Variants in ANKMY2 observed in about 807,000 individuals in gnomAD.
ANKMY2 encodes ankyrin repeat and MYND domain-containing protein 2.
Under a neutral mutation model 50.4 loss-of-function variants are expected in ANKMY2, and 36 were observed. The ratio of observed to expected loss-of-function variants is 0.71; its 90% CI spans 0.55 to 0.94. The LOEUF is 0.94. Ranked by LOEUF, ANKMY2 falls within the 40% of genes least tolerant of loss-of-function variation. ANKMY2 has a pLI of 0.00. For missense variants in ANKMY2, 565 were observed against 524.0 expected, an observed-to-expected ratio of 1.08 and a Z score of -0.76; for synonymous variants, 187 against 178.8, an observed-to-expected ratio of 1.05 and a Z score of -0.36.
chr7:16,623,977 T>A (rs1027496648), intron 4 of ANKMY2, among the ~76,000 whole-genome samples: 1 of 152,158 alleles, frequency 6.6e-6, no homozygotes, highest in African/African-American at 2.4e-5. Flanking sequence ...ATTTACACTG[T>A]ATCTGAACCT....
chr7:16,613,180 C>A (rs1233593120), intron 5 of ANKMY2, among the ~76,000 whole-genome samples: 6 of 152,130 alleles, frequency 3.9e-5, no homozygotes, highest in Admixed American at 3.3e-4. Flanking sequence ...CCTCCAAATC[C>A]CTTTTGAAAA....
intron 5 of ANKMY2, 78 bp downstream of exon 5, chr7:16,615,666 T>C: frequency 1.3e-6 from 2 of 1,571,566 alleles, no homozygotes; most frequent in South Asian, 1.1e-5. Context: ...AAGACAATTA[T>C]GATCCTGTAT....
At chr7:16,611,666 G>C (rs1781255555) in intron 5 of ANKMY2, among the ~76,000 whole-genome samples, 1 of 152,182 alleles carries the variant, frequency 6.6e-6, no homozygotes, top group Admixed American at 6.5e-5. Flanking sequence ...TGAAAGCCAA[G>C]CTACAAATTA....
At chr7:16,607,483 G>A (rs1305678140) in intron 7 of ANKMY2, among the ~76,000 whole-genome samples, 2 of 151,952 alleles carry the variant, frequency 1.3e-5, no homozygotes, top group Non-Finnish European at 2.9e-5. Flanking sequence ...CATGAGAATC[G>A]CTTGAACCCG....
chr7:16,624,948 G>A, intron 4 of ANKMY2, 35 bp downstream of exon 4: 2 of 1,573,896 alleles, frequency 1.3e-6, no homozygotes, highest in African/African-American at 1.4e-5. Flanking sequence ...GAAATTTTGG[G>A]TATAATCTAA....
At chr7:16,633,303 T>A (rs1475741532) in intron 2 of ANKMY2, among the ~76,000 whole-genome samples, 1 of 152,074 alleles carries the variant, frequency 6.6e-6, no homozygotes, top group African/African-American at 2.4e-5. Context: ...TATCTGCTTT[T>A]AAAATTTTTT....
At chr7:16,608,406 T>C (rs1263429090) in intron 7 of ANKMY2, among the ~76,000 whole-genome samples, 2 of 152,182 alleles carry the variant, frequency 1.3e-5, no homozygotes, top group African/African-American at 4.8e-5. Context: ...CTTTATGAGA[T>C]GGTCTTTTCT....
At chr7:16,609,506 C>T (rs1781211029) in intron 7 of ANKMY2, 124 bp downstream of exon 7, 1 of 1,142,770 alleles carries the variant, frequency 8.8e-7, no homozygotes, top group South Asian at 2.2e-5. Context: ...CCTATCTCCA[C>T]CTTTGTTCCT....
chr7:16,644,056 G>C (rs1428705988), intron 1 of ANKMY2, among the ~76,000 whole-genome samples: 1 of 152,118 alleles, frequency 6.6e-6, no homozygotes, highest in African/African-American at 2.4e-5. Context: ...ACATGTACTA[G>C]CTCTGTCCTG....
chr7:16,603,026 G>C (rs1314628776), intron 8 of ANKMY2, among the ~76,000 whole-genome samples: 1 of 152,200 alleles, frequency 6.6e-6, no homozygotes, highest in Non-Finnish European at 1.5e-5. Flanking sequence ...CCAGTCTCAA[G>C]TATTTCTTTA....
At chr7:16,636,235 G>A (rs984701924) in intron 2 of ANKMY2, among the ~76,000 whole-genome samples, 156 bp downstream of exon 2, 11 of 148,424 alleles carry the variant, frequency 7.4e-5, no homozygotes, top group Admixed American at 6.8e-4. Context: ...ACAAGAAGGC[G>A]GAGGTTGCAG....
chr7:16,622,782 AAAT>A (rs1781457967), intron 4 of ANKMY2, among the ~76,000 whole-genome samples: 4 of 119,274 alleles, frequency 3.4e-5, no homozygotes, highest in African/African-American at 9.0e-5. Context: ...ATAAATAAAT[AAAT>A]AAAAATAAAA....
intron 2 of ANKMY2, among the ~76,000 whole-genome samples, chr7:16,632,534 A>G (rs553782171): frequency 6.6e-6 from 1 of 152,296 alleles, no homozygotes; most frequent in African/African-American, 2.4e-5. Context: ...GACTTCTTTC[A>G]CTTAGCATTA....
At chr7:16,618,431 GA>G (rs1781388833) in intron 4 of ANKMY2, among the ~76,000 whole-genome samples, 1 of 151,652 alleles carries the variant, frequency 6.6e-6, no homozygotes, top group African/African-American at 2.4e-5. Flanking sequence ...CATCTCAAAG[GA>G]AAAAAAGGAA....
chr7:16,630,725 A>G (rs1223074203), intron 2 of ANKMY2, among the ~76,000 whole-genome samples: 1 of 152,206 alleles, frequency 6.6e-6, no homozygotes, highest in Non-Finnish European at 1.5e-5. Context: ...CAAGTGCTGG[A>G]AGAAAATAAC....
In ANKMY2 at chr7:16,615,768, G is replaced by T. The variant is rs34001665; in HGVS notation, c.507C>A (p.Thr169=). The part of the protein sequence containing the change: ...KLAGPLHKII[T]TTNLHPVKIV... ...CCTTGACAGGATGAAGATTCGTTGTGGTGATAATTTTGTGCAGCGGGCCTG... is the reference window on the plus strand; with the variant it reads ...CCTTGACAGGATGAAGATTCGTTGTTGTGATAATTTTGTGCAGCGGGCCTG... Residue 169 remains threonine, a synonymous_variant, in exon 5 of 10, where the codon ACC becomes ACA. Transcript: ENST00000306999. The T allele has an allele frequency of 2.6e-4, 421 of 1,614,200 alleles. 1 individual carries two copies. In the African/African-American group the frequency reaches 5.2e-3, roughly 20 times the overall value.
At chr7:16,630,501 ATTC>A (rs1208571296) in intron 2 of ANKMY2, among the ~76,000 whole-genome samples, 3 of 152,212 alleles carry the variant, frequency 2.0e-5, no homozygotes, top group Non-Finnish European at 4.4e-5. Context: ...CTCTCCCATA[ATTC>A]TTAAGTCAAA....
intron 1 of ANKMY2, among the ~76,000 whole-genome samples, chr7:16,642,709 A>T (rs1781762413): frequency 6.6e-6 from 1 of 152,126 alleles, no homozygotes; most frequent in Non-Finnish European, 1.5e-5. Context: ...TTTGGCACAA[A>T]TATAAACTTT....
At chr7:16,625,572 AAGT>A (rs1562775003) in intron 3 of ANKMY2, among the ~76,000 whole-genome samples, 1 of 152,138 alleles carries the variant, frequency 6.6e-6, no homozygotes, top group Non-Finnish European at 1.5e-5. Flanking sequence ...TCTTCTACTA[AAGT>A]AGTCATTATG....
Sources: gnomAD v4.1 joint callset for allele counts (sites outside exome capture counted in the v4.1 genomes callset) on GRCh38, gnomAD v4.1.1 for gene constraint, MANE v1.5 for transcripts, NCBI Gene and HGNC (gene_info 2026-07-23, HGNC 2026-07-21) for gene names.